The following ZNF91 variants were observed in gnomAD, a reference collection of about 807,000 sequenced individuals.
ZNF91 encodes zinc finger protein 91 (HPF7, HTF10).
In ZNF91, 7 loss-of-function variants were observed where a neutral mutation model predicts 12.6. The observed-to-expected ratio is 0.55, with a 90% CI of 0.31 to 1.04. The LOEUF is 1.04. Among genes scored for constraint, ZNF91 ranks in the 50% least tolerant of loss-of-function variants. The probability of loss-of-function intolerance (pLI) is 0.05; values close to 1 mark genes in which losing one functional copy is unlikely to be tolerated. For missense variants in ZNF91, 1,217 were observed against 1,385.4 expected, an observed-to-expected ratio of 0.88 and a Z score of 1.93; for synonymous variants, 453 against 462.6, an observed-to-expected ratio of 0.98 and a Z score of 0.27.
At chr19:23,357,682 G>A (rs975703311), downstream of ZNF91, 2 of 151,962 alleles carry the variant, frequency 1.3e-5, no homozygotes, top group African/African-American at 2.4e-5. Context: ...AGATTTATTC[G>A]GGACTCAGAA....
chr19:23,370,447 A>C (rs1969229982), intron 3 of ZNF91, among the ~76,000 whole-genome samples: 1 of 152,216 alleles, frequency 6.6e-6, no homozygotes, highest in Admixed American at 6.5e-5. Flanking sequence ...GCAAGATGTA[A>C]AATTTCTAGA....
At position 23,360,944 on chromosome 19, in the gene ZNF91, T is replaced by C; in HGVS notation, c.2035A>G (p.Thr679Ala). Reference sequence around the variant, plus strand: ...TTGTAGGGTTTCTCTTCAGTATGAGTTATCTTATGATTAGCAAGGGTTGAG... The same window carrying C: ...TTGTAGGGTTTCTCTTCAGTATGAGCTATCTTATGATTAGCAAGGGTTGAG... ...NSSTLANHKI[T>A]HTEEKPYKCK... The change falls in exon 4 of 4, where the codon ACT (threonine) becomes GCT (alanine). Residue 679 changes from threonine (T) to alanine (A), a missense_variant. Around this residue, in one of 2 missense-constraint regions of ZNF91, gnomAD observed 726 missense variants for 895.5 expected, o/e 0.81. Transcript: ENST00000300619. 6.2e-7 allele frequency: 1 copy of C among 1,613,864 alleles called. No homozygotes were observed.
At position 23,359,884 on chromosome 19, in the gene ZNF91, T is replaced by G. The variant is rs1421638976; in HGVS notation, c.3095A>C (p.Asn1032Thr). Residue 1032 changes from asparagine to threonine, a missense_variant, in exon 4 of 4, where the codon AAT becomes ACT. Coordinates refer to ENST00000300619, the MANE Select transcript of ZNF91 (RefSeq NM_003430.4). ...ATGTGTAGTAAGCTTTGAGGATCGATTAAAAGCTTTGCCACATTCTTCACA... is the reference window on the plus strand; with the variant it reads ...ATGTGTAGTAAGCTTTGAGGATCGAGTAAAAGCTTTGCCACATTCTTCACA... ...YKCEECGKAFNRSSKLTTHKI... is the reference protein window; with the variant it reads ...YKCEECGKAFTRSSKLTTHKI... The G allele has an allele frequency of 6.3e-7, 1 of 1,588,194 alleles. No individual in the cohort carries two copies. The highest frequency in any genetic ancestry group is 1.7e-5 in the Admixed American group (1 of 58,928).
At chr19:23,352,729 A>G (rs1410014106), downstream of ZNF91, among the ~76,000 whole-genome samples, 1 of 152,228 alleles carries the variant, frequency 6.6e-6, no homozygotes, top group Admixed American at 6.5e-5. Context: ...CAGCTAATAC[A>G]TAAGGACCCA....
exon 4 of ZNF91, chr19:23,339,000 A>C (rs983984664): frequency 6.6e-6 from 1 of 151,490 alleles, no homozygotes; most frequent in East Asian, 1.9e-4. Context: ...TGCAGTGAGC[A>C]GTGGGACGAG....
intron 1 of ZNF91, among the ~76,000 whole-genome samples, chr19:23,389,298 T>C (rs1425787284): frequency 6.6e-6 from 1 of 151,358 alleles, no homozygotes; most frequent in African/African-American, 2.4e-5. Context: ...AAACAGGTGG[T>C]CCAGAACCCC....
intron 3 of ZNF91, among the ~76,000 whole-genome samples, chr19:23,373,399 T>C (rs2145095762): frequency 7.1e-6 from 1 of 141,260 alleles, no homozygotes; most frequent in Non-Finnish European, 1.5e-5. Flanking sequence ...TAAACAGTAC[T>C]TTAAAACCTG....
chr19:23,385,025 AC>A, intron 1 of ZNF91: 1 of 1,223,566 alleles, frequency 8.2e-7, no homozygotes, highest in Non-Finnish European at 1.2e-6. Flanking sequence ...GGGACAGTCC[AC>A]CAGGGAGACA....
At chr19:23,335,938 C>T (rs1036857243), downstream of ZNF91, among the ~76,000 whole-genome samples, 9 of 152,140 alleles carry the variant, frequency 5.9e-5, no homozygotes, top group South Asian at 2.1e-4. Flanking sequence ...TGTTCCTATT[C>T]GGCCATCTTG....
intron 3 of ZNF91, among the ~76,000 whole-genome samples, chr19:23,349,360 C>T (rs1381737001): frequency 6.6e-6 from 1 of 152,126 alleles, no homozygotes; most frequent in East Asian, 1.9e-4. Context: ...TATACTCTTT[C>T]CCTTTATTTC....
downstream of ZNF91, among the ~76,000 whole-genome samples, chr19:23,337,618 C>G (rs1968040307): frequency 6.6e-6 from 1 of 151,716 alleles, no homozygotes; most frequent in South Asian, 2.1e-4. Flanking sequence ...TTCAAAGGAA[C>G]ACAATAATTC....
intron 3 of ZNF91, among the ~76,000 whole-genome samples, chr19:23,348,531 T>A (rs962666733): frequency 6.6e-6 from 1 of 152,222 alleles, no homozygotes; most frequent in East Asian, 1.9e-4. Context: ...ATCATCTTTG[T>A]AAGCTGAGGA....
intron 1 of ZNF91, among the ~76,000 whole-genome samples, chr19:23,378,732 T>C (rs781327066): frequency 4.6e-5 from 7 of 152,176 alleles, no homozygotes; most frequent in Non-Finnish European, 8.8e-5. Context: ...AGCCCATATT[T>C]TTGCACACAT....
intron 3 of ZNF91, among the ~76,000 whole-genome samples, chr19:23,364,714 T>A (rs1968935319): frequency 2.0e-5 from 3 of 151,966 alleles, no homozygotes; most frequent in African/African-American, 7.2e-5. Context: ...GATGTTGAAA[T>A]TATAAGAATT....
At chr19:23,342,166 CT>C in intron 3 of ZNF91, 1 of 479,558 alleles carries the variant, frequency 2.1e-6, no homozygotes, top group Non-Finnish European at 3.8e-6. Context: ...TCATGCTTAC[CT>C]ACCTGAGAAG....
At chr19:23,309,589 G>C (rs111874878) in intron 1 of ZNF91, among the ~76,000 whole-genome samples, 1 of 151,918 alleles carries the variant, frequency 6.6e-6, no homozygotes, top group African/African-American at 2.4e-5. Context: ...CCAGAACTTA[G>C]GTGATGTGAC....
At chr19:23,334,012 CAAA>C (rs1967965343), downstream of ZNF91, among the ~76,000 whole-genome samples, 2 of 152,146 alleles carry the variant, frequency 1.3e-5, no homozygotes, top group South Asian at 4.1e-4. Context: ...CAGTGACTCA[CAAA>C]CAGCAAGAAC....
chr19:23,355,204 C>T (rs190789871), downstream of ZNF91, among the ~76,000 whole-genome samples: 2 of 152,306 alleles, frequency 1.3e-5, no homozygotes, highest in Non-Finnish European at 2.9e-5. Flanking sequence ...TACCTGATTT[C>T]AAACTATACT....
intron 3 of ZNF91, among the ~76,000 whole-genome samples, chr19:23,344,917 A>G (rs1185806009): frequency 6.6e-6 from 1 of 152,200 alleles, no homozygotes; most frequent in Non-Finnish European, 1.5e-5. Context: ...GCAGCTGGAC[A>G]AAAGAAGCTC....
Sources: allele counts gnomAD v4.1 joint callset (sites outside exome capture counted in the v4.1 genomes callset), GRCh38; gene constraint gnomAD v4.1.1; regional missense constraint gnomAD v4.1.1; transcripts MANE v1.5; gene names NCBI Gene and HGNC (gene_info 2026-07-23, HGNC 2026-07-21).